The following GRWD1 variants were observed in gnomAD, a reference collection of about 807,000 sequenced individuals.
The protein encoded by GRWD1 is glutamate-rich WD repeat-containing protein 1.
GRWD1 carries 29 observed loss-of-function variants against 45.3 expected under a neutral mutation model. That is an observed-to-expected ratio of 0.64 (90% confidence interval 0.48 to 0.87). GRWD1 has a LOEUF of 0.87. Ranked by LOEUF, GRWD1 falls within the 40% of genes least tolerant of loss-of-function variation. GRWD1 has a pLI of 0.00. For missense variants in GRWD1, 592 were observed against 618.8 expected, an observed-to-expected ratio of 0.96 and a Z score of 0.46; for synonymous variants, 262 against 257.6, an observed-to-expected ratio of 1.02 and a Z score of -0.16.
In GRWD1 at chr19:48,446,753, AGAG is replaced by A. The variant is rs766088471; in HGVS notation, c.384_386del (p.Glu129del). 299 of 1,605,660 alleles carry A rather than the reference AGAG, an allele frequency of 1.9e-4. No homozygotes were observed. Among genetic ancestry groups the A allele is most frequent in the East Asian group, 2.7e-4 (12 of 44,730 alleles). On this transcript the variant is annotated inframe_deletion, in exon 3 of 7. Coordinates refer to ENST00000253237, the MANE Select transcript of GRWD1 (RefSeq NM_031485.4). ...CCTCAGAGGGCAGTGATGAAGAAGAAGAGGAGGAAGATGAAGAGGATGAAGAAG... is the reference window on the plus strand; with the variant it reads ...CCTCAGAGGGCAGTGATGAAGAAGAAGAGGAAGATGAAGAGGATGAAGAAG...
rs1449433357 is a variant in GRWD1, at chr19:48,455,350, C to G, written c.*2325C>G. 1 of 152,202 alleles carries G rather than the reference C, an allele frequency of 6.6e-6. No homozygotes were observed. The highest frequency in any genetic ancestry group is 1.5e-5 in the Non-Finnish European group (1 of 68,062). 9.4% of individuals were successfully genotyped at this position (152,202 alleles called of 1,614,324 possible). On this transcript the variant is annotated 3_prime_UTR_variant, in exon 7 of 7. Coordinates refer to ENST00000253237, the MANE Select transcript of GRWD1 (RefSeq NM_031485.4). Reference sequence around the variant, plus strand: ...TAGGTGGGGAGTGGTGGGGAACACCCCTGGTTTCGGAAGAGTGAGAGTGTT... The same window carrying G: ...TAGGTGGGGAGTGGTGGGGAACACCGCTGGTTTCGGAAGAGTGAGAGTGTT...
At position 48,446,024 on chromosome 19, in the gene GRWD1, C is replaced by A. The variant is rs757018412; in HGVS notation, c.19C>A (p.Arg7=). 15 of 1,590,396 alleles carry A rather than the reference C, an allele frequency of 9.4e-6. No individual in the cohort carries two copies. In the East Asian group the frequency reaches 1.6e-4, roughly 17 times the overall value. Reference sequence around the variant, plus strand: ...TTCGAAGATGGCGGCGCGCAAGGGTCGGCGGCGCACGTGTGAAACCGGGGA... The same window carrying A: ...TTCGAAGATGGCGGCGCGCAAGGGTAGGCGGCGCACGTGTGAAACCGGGGA... MAARKG[R]RRTCETGEPM... Residue 7 remains arginine, a synonymous_variant, in exon 1 of 7, where the codon CGG becomes AGG. Coordinates refer to ENST00000253237, the MANE Select transcript of GRWD1 (RefSeq NM_031485.4).
At position 48,450,721 on chromosome 19, in the gene GRWD1, C is replaced by T. The variant is rs145000423; in HGVS notation, c.738C>T (p.Asp246=). 7.9e-4 allele frequency: 1,278 copies of T among 1,614,072 alleles called. 22 individuals are homozygous for T. The South Asian group carries it at 0.011, about 14-fold the overall frequency. ...ACATCCACCTCTGGACACCTACGGA[C>T]GGCGGCTCCTGGCACGTGGACCAGC... ...QKNIHLWTPT[D]GGSWHVDQRP... Residue 246 remains aspartate (D), a synonymous_variant, in exon 5 of 7, where the codon GAC becomes GAT. Transcript: ENST00000253237. The surrounding 1 kb of genome is among the most constrained non-coding windows in gnomAD (Gnocchi z 5.1).
intron 3 of GRWD1, among the ~76,000 whole-genome samples, chr19:48,450,000 C>T (rs117369176): frequency 0.015 from 2,343 of 152,092 alleles, 21 homozygotes; most frequent in Non-Finnish European, 0.024. Context: ...TTACCGAGAC[C>T]AGGAGCCTGA....
intron 6 of GRWD1, among the ~76,000 whole-genome samples, chr19:48,451,695 T>C (rs1347906269): frequency 6.6e-6 from 1 of 151,820 alleles, no homozygotes; most frequent in African/African-American, 2.4e-5. Flanking sequence ...GCTGGGAGGG[T>C]CCCTGTGCAG....
chr19:48,446,312 G>C lies in GRWD1; in HGVS notation c.188-73G>C, dbSNP rs923353364. 26 of 1,557,416 alleles carry C rather than the reference G, an allele frequency of 1.7e-5. No homozygotes were observed. In the African/African-American group the frequency reaches 3.3e-4, roughly 20 times the overall value. Reference sequence around the variant, plus strand: ...AAGTGATTTCATACCGGAGGCGGTTGATCCATGAGGGAGGTGGGGACTGAG... The same window carrying C: ...AAGTGATTTCATACCGGAGGCGGTTCATCCATGAGGGAGGTGGGGACTGAG... On this transcript the variant is annotated intron_variant, in intron 1 of 6. Transcript: ENST00000253237.
chr19:48,445,994 G>C lies in GRWD1; in HGVS notation c.-12G>C, dbSNP rs1397853117. ...CGCTCTTACCGGGTGTCAGCAGCGAGAGGGTTCGAAGATGGCGGCGCGCAA... is the reference window on the plus strand; with the variant it reads ...CGCTCTTACCGGGTGTCAGCAGCGACAGGGTTCGAAGATGGCGGCGCGCAA... On this transcript the variant is annotated 5_prime_UTR_variant, in exon 1 of 7. Transcript: ENST00000253237. 4.4e-6 allele frequency: 7 copies of C among 1,573,966 alleles called. No individual in the cohort carries two copies. The South Asian group carries it at 8.1e-5, about 18-fold the overall frequency.
intron 3 of GRWD1, among the ~76,000 whole-genome samples, chr19:48,449,313 C>A (rs975004457): frequency 1.3e-5 from 2 of 152,064 alleles, no homozygotes; most frequent in African/African-American, 2.4e-5. Context: ...AGGGTGGTCT[C>A]GCTCCTGACC....
chr19:48,446,843 GGTAA>G lies in GRWD1; in HGVS notation c.468+4_468+7del, dbSNP rs779188679. 6 of 1,611,900 alleles carry G rather than the reference GGTAA, an allele frequency of 3.7e-6. No individual in the cohort carries two copies. In the Admixed American group the frequency reaches 5.0e-5, roughly 13 times the overall value. ...ACTATGGTGGCATCAACCGAGTTCG[GGTAA>G]GTATGGTCCCAGGAGCCTGCTCTGC... On this transcript the variant is annotated splice_donor_variant and splice_donor_region_variant and intron_variant, in intron 3 of 6. Transcript: ENST00000253237. LOFTEE classifies it high-confidence loss of function.
At position 48,455,748 on chromosome 19, in the gene GRWD1, A is replaced by G. The variant is rs570697571; in HGVS notation, c.*2723A>G. ...AAGAAAGGCTTAGGACCCAACCAGC[A>G]TTCCCCCTGGCACTGCGGGGGCCTG... On this transcript the variant is annotated 3_prime_UTR_variant, in exon 7 of 7. Transcript: ENST00000253237. The G allele has an allele frequency of 1.7e-3, 256 of 152,400 alleles. 2 individuals are homozygous for G. The highest frequency in any genetic ancestry group is 3.3e-3 in the Non-Finnish European group (222 of 68,104). 9.4% of individuals were successfully genotyped at this position (152,400 alleles called of 1,614,324 possible).
Position 48,450,686 on chromosome 19 carries a change from T to C in GRWD1, c.703T>C (p.Cys235Arg), listed in dbSNP as rs777804069. 15 of 1,613,850 alleles carry C rather than the reference T, an allele frequency of 9.3e-6. No individual in the cohort carries two copies. The highest frequency in any genetic ancestry group is 1.6e-4 in the Middle Eastern group (1 of 6,078). ...RVTGRLLTGD[C>R]QKNIHLWTPT... ...CCCAGGTCGCCTGCTGACCGGTGAC[T>C]GTCAAAAGAACATCCACCTCTGGAC... The change falls in exon 5 of 7, where the codon TGT (cysteine) becomes CGT (arginine). Residue 235 changes from cysteine to arginine, a missense_variant. Cys to Arg is a radical substitution (Grantham distance 180). Transcript: ENST00000253237. This position sits in a 1 kb window ranked among gnomAD's most constrained non-coding sequence, Gnocchi z 5.1.
rs960872796 is a variant in GRWD1, at chr19:48,452,472, T to C, written c.1024-236T>C. On this transcript the variant is annotated intron_variant, in intron 6 of 6. Transcript: ENST00000253237. The surrounding 1 kb of genome is among the most constrained non-coding windows in gnomAD (Gnocchi z 5.1). ...GGGGCGGGGGTTTTGCTACCTGAGC[T>C]GGGAGGGGCTTCTTTGCAGGTGAAT... 6.6e-6 allele frequency among the ~76,000 whole-genome samples: 1 copy of C among 152,124 alleles called. No homozygotes were observed. The highest frequency in any genetic ancestry group is 6.5e-5 in the Admixed American group (1 of 15,276).
chr19:48,448,585 G>C (rs1873972526), intron 3 of GRWD1, among the ~76,000 whole-genome samples: 1 of 152,136 alleles, frequency 6.6e-6, no homozygotes. Context: ...CCAGGAGTGG[G>C]GTGCTATTTT....
In GRWD1 at chr19:48,450,780, A is replaced by T; in HGVS notation, c.797A>T (p.Asp266Val). 6.2e-7 allele frequency: 1 copy of T among 1,613,896 alleles called. No individual in the cohort carries two copies. Among genetic ancestry groups the T allele is most frequent in the Non-Finnish European group, 8.5e-7 (1 of 1,179,976 alleles). The change falls in exon 5 of 7, where the codon GAC becomes GTC. Residue 266 changes from aspartate to valine, a missense_variant. Physicochemically the swap from Asp to Val is radical, Grantham distance 152 (BLOSUM62 -3). Coordinates refer to ENST00000253237, the MANE Select transcript of GRWD1 (RefSeq NM_031485.4). The surrounding 1 kb of genome is among the most constrained non-coding windows in gnomAD (Gnocchi z 5.1). ...PFVGHTRSVE[D>V]LQWSPTENTV... ...GTGGGCCACACACGCTCTGTGGAGG[A>T]CCTGCAGTGGTCACCGACTGAGAAC...
Position 48,456,965 on chromosome 19 carries a change from C to T in GRWD1, c.*3940C>T, listed in dbSNP as rs1569082110. On this transcript the variant is annotated 3_prime_UTR_variant, in exon 7 of 7. Transcript: ENST00000253237. ...TTGGACTCCCAAAGTGCTAGGATTA[C>T]AGGTGTGAGCCACCGCACCTGCCCT... is the stretch of plus-strand genomic sequence containing the variant. 2 of 151,368 alleles carry T rather than the reference C, an allele frequency of 1.3e-5. No individual in the cohort carries two copies. Among genetic ancestry groups the T allele is most frequent in the South Asian group, 4.2e-4 (2 of 4,796 alleles). The allele number at this position is 151,368 out of a possible 1,614,324, so 9.4% of individuals were successfully genotyped here. A position where few individuals can be genotyped will look rare whatever the true frequency, so the allele number is the denominator to read the frequency against.
At position 48,455,557 on chromosome 19, in the gene GRWD1, G is replaced by C. The variant is rs938328055; in HGVS notation, c.*2532G>C. 4 of 152,258 alleles carry C rather than the reference G, an allele frequency of 2.6e-5. No individual in the cohort carries two copies. In the East Asian group the frequency reaches 5.8e-4, roughly 22 times the overall value. The allele number at this position is 152,258 out of a possible 1,614,324, so 9.4% of individuals were successfully genotyped here. On this transcript the variant is annotated 3_prime_UTR_variant, in exon 7 of 7. Transcript: ENST00000253237. Reference sequence around the variant, plus strand: ...TCCCGCCCTGCTTTTGCTAGGGGAGGGGGGTGCCCTGAGCCTGAGTCGCAG... The same window carrying C: ...TCCCGCCCTGCTTTTGCTAGGGGAGCGGGGTGCCCTGAGCCTGAGTCGCAG...
At position 48,453,058 on chromosome 19, in the gene GRWD1, T is replaced by G. The variant is rs775510307; in HGVS notation, c.*33T>G. 2.0e-5 allele frequency: 30 copies of G among 1,535,120 alleles called. No individual in the cohort carries two copies. The South Asian group carries it at 3.4e-4, about 18-fold the overall frequency. ...CACTGGCTCTGATCTTGCTTCCTGCTTGGAAACTGAAGTCGAATTGGGCTC... is the reference window on the plus strand; with the variant it reads ...CACTGGCTCTGATCTTGCTTCCTGCGTGGAAACTGAAGTCGAATTGGGCTC... On this transcript the variant is annotated 3_prime_UTR_variant, in exon 7 of 7. Transcript: ENST00000253237.
chr19:48,446,107 G>A lies in GRWD1; in HGVS notation c.102G>A (p.Leu34=). 1 of 1,593,114 alleles carries A rather than the reference G, an allele frequency of 6.3e-7. No individual in the cohort carries two copies. The highest frequency in any genetic ancestry group is 8.5e-7 in the Non-Finnish European group (1 of 1,172,722). ...TSSEGPAQVY[L]PGRGPPLREG... is the part of the protein sequence containing the mutation. ...CCGAGGGCCCGGCCCAGGTCTACCT[G>A]CCCGGCCGGGGGCCGCCGCTACGCG... The change falls in exon 1 of 7, where the codon CTG becomes CTA. Residue 34 remains leucine, a synonymous_variant. Transcript: ENST00000253237.
chr19:48,445,996 G>A lies in GRWD1; in HGVS notation c.-10G>A. Reference sequence around the variant, plus strand: ...CTCTTACCGGGTGTCAGCAGCGAGAGGGTTCGAAGATGGCGGCGCGCAAGG... The same window carrying A: ...CTCTTACCGGGTGTCAGCAGCGAGAAGGTTCGAAGATGGCGGCGCGCAAGG... On this transcript the variant is annotated 5_prime_UTR_variant, in exon 1 of 7. Coordinates refer to ENST00000253237, the MANE Select transcript of GRWD1 (RefSeq NM_031485.4). The A allele has an allele frequency of 6.3e-6, 10 of 1,575,440 alleles. No homozygotes were observed. Among genetic ancestry groups the A allele is most frequent in the Non-Finnish European group, 6.9e-6 (8 of 1,162,106 alleles).
Sources: gnomAD v4.1 joint callset for allele counts (sites outside exome capture counted in the v4.1 genomes callset) on GRCh38, gnomAD v4.1.1 for gene constraint, Gnocchi (gnomAD v3.1) non-coding constraint, MANE v1.5 for transcripts, NCBI Gene and HGNC (gene_info 2026-07-23, HGNC 2026-07-21) for gene names.